MFAP3: variants seen among roughly 807,000 people sequenced by gnomAD.
MFAP3 encodes microfibril-associated glycoprotein 3.
MFAP3 carries 8 observed loss-of-function variants against 20.5 expected under a neutral mutation model. The ratio of observed to expected loss-of-function variants is 0.39; its 90% CI spans 0.23 to 0.70. MFAP3 has a LOEUF of 0.70. MFAP3 is among the 30% of genes least tolerant of loss of function. The probability of loss-of-function intolerance (pLI) is 0.44; values close to 1 mark genes in which losing one functional copy is unlikely to be tolerated. For missense variants in MFAP3, 398 were observed against 444.6 expected (o/e 0.90, Z 0.94); for synonymous variants, 140 against 154.0 (o/e 0.91, Z 0.67).
At chr5:154,050,662 A>G (rs992696333) in intron 2 of MFAP3, among the ~76,000 whole-genome samples, 4 of 122,184 alleles carry the variant, frequency 3.3e-5, no homozygotes, top group African/African-American at 1.2e-4. Context: ...ACTGGAAATG[A>G]GAAATTTTTT....
At chr5:154,042,069 A>G (rs1252290170) in intron 1 of MFAP3, among the ~76,000 whole-genome samples, 1 of 152,200 alleles carries the variant, frequency 6.6e-6, no homozygotes, top group African/African-American at 2.4e-5. Flanking sequence ...ATTGTCTTAC[A>G]ATTTTGATAC....
At chr5:154,048,921 A>T (rs1561589701) in intron 1 of MFAP3, among the ~76,000 whole-genome samples, 1 of 152,182 alleles carries the variant, frequency 6.6e-6, no homozygotes, top group Non-Finnish European at 1.5e-5. Context: ...GTTCTTGCCC[A>T]TGAAGGAGGT....
chr5:154,045,565 G>A (rs1374215674), intron 1 of MFAP3, among the ~76,000 whole-genome samples: 1 of 152,136 alleles, frequency 6.6e-6, no homozygotes, highest in Non-Finnish European at 1.5e-5. Context: ...ATATCTGAAA[G>A]AACCATGAAC....
chr5:154,051,038 CAT>C (rs988917575), intron 2 of MFAP3, among the ~76,000 whole-genome samples: 43 of 152,290 alleles, frequency 2.8e-4, no homozygotes, highest in African/African-American at 1.0e-3. Context: ...TTCCTTCAGA[CAT>C]ATGCACTATT....
rs1400231658 is a variant in MFAP3, at chr5:154,055,010, A to G, written c.*1297A>G. On this transcript the variant is annotated 3_prime_UTR_variant, in exon 3 of 3. Coordinates refer to ENST00000522782, the MANE Select transcript of MFAP3 (RefSeq NM_005927.5). Reference sequence around the variant, plus strand: ...GGATGATGCCACCTGCTTCAACTGTATATAATAAACACTTATGATGACATT... The same window carrying G: ...GGATGATGCCACCTGCTTCAACTGTGTATAATAAACACTTATGATGACATT... 1 of 166,838 alleles carries G rather than the reference A, an allele frequency of 6.0e-6. No individual in the cohort carries two copies. The highest frequency in any genetic ancestry group is 1.5e-5 in the Non-Finnish European group (1 of 68,112). 10.3% of individuals were successfully genotyped at this position (166,838 alleles called of 1,614,324 possible).
At chr5:154,047,351 A>T (rs1773089616) in intron 1 of MFAP3, among the ~76,000 whole-genome samples, 1 of 152,196 alleles carries the variant, frequency 6.6e-6, no homozygotes, top group Non-Finnish European at 1.5e-5. Context: ...TCTATGGGGC[A>T]GTAGGTAGGC....
Position 154,049,831 on chromosome 5 carries a change from C to A in MFAP3, c.109C>A (p.Arg37Ser). The A allele has an allele frequency of 1.2e-6, 2 of 1,613,664 alleles. No homozygotes were observed. Among genetic ancestry groups the A allele is most frequent in the Non-Finnish European group, 1.7e-6 (2 of 1,179,712 alleles). ...FDQMVSLEANRSSYNASFPSS... is the reference protein window; with the variant it reads ...FDQMVSLEANSSSYNASFPSS... ...CCAAATGGTTTCACTGGAAGCAAAT[C>A]GTAGTTCTTACAATGCATCCTTTCC... Residue 37 changes from arginine to serine, a missense_variant, in exon 2 of 3, where the codon CGT (arginine) becomes AGT (serine). By Grantham distance (110) the Arg-to-Ser change is moderately radical (BLOSUM62 -1). Coordinates refer to ENST00000522782, the MANE Select transcript of MFAP3 (RefSeq NM_005927.5).
rs139479394 is a variant in MFAP3, at chr5:154,049,926, C to T, written c.204C>T (p.Ser68=). 6.2e-6 allele frequency: 10 copies of T among 1,613,602 alleles called. No homozygotes were observed. Among genetic ancestry groups the T allele is most frequent in the Middle Eastern group, 1.6e-4 (1 of 6,062 alleles). The change falls in exon 2 of 3, where the codon AGC becomes AGT. Residue 68 remains serine, a synonymous_variant. Transcript: ENST00000522782. ...DDVIIAKEGT[S]VSIECLLTAS... ...TCATCATAGCCAAAGAGGGAACTAG[C>T]GTTTCAATTGAGTGTCTTCTCACAG...
At chr5:154,051,255 A>T (rs914992191) in intron 2 of MFAP3, among the ~76,000 whole-genome samples, 28 of 152,192 alleles carry the variant, frequency 1.8e-4, no homozygotes, top group Admixed American at 6.5e-4. Context: ...TCCTGACCAA[A>T]CACCTCTGAG....
At position 154,057,035 on chromosome 5, in the gene MFAP3, T is replaced by C. The variant is rs1012696652; in HGVS notation, c.*3322T>C. ...GCTGTTGGTATAGTCCTCTTCACCC[T>C]CTGCATGTAGCTTCACCCTAGATCA... On this transcript the variant is annotated 3_prime_UTR_variant, in exon 3 of 3. Coordinates refer to ENST00000522782, the MANE Select transcript of MFAP3 (RefSeq NM_005927.5). 6.6e-6 allele frequency among the ~76,000 whole-genome samples: 1 copy of C among 152,288 alleles called. No homozygotes were observed. Among genetic ancestry groups the C allele is most frequent in the South Asian group, 2.1e-4 (1 of 4,822 alleles).
At chr5:154,050,659 A>G (rs1773169338) in intron 2 of MFAP3, among the ~76,000 whole-genome samples, 1 of 131,412 alleles carries the variant, frequency 7.6e-6, no homozygotes, top group Non-Finnish European at 1.6e-5. Context: ...TTTACTGGAA[A>G]TGAGAAATTT....
chr5:154,048,796 T>C (rs938803543), intron 1 of MFAP3, among the ~76,000 whole-genome samples: 3 of 152,204 alleles, frequency 2.0e-5, no homozygotes, highest in Non-Finnish European at 4.4e-5. Context: ...GTTCCTCCCT[T>C]AGCTAGTTTA....
intron 1 of MFAP3, among the ~76,000 whole-genome samples, chr5:154,043,743 T>TA (rs1554086565): frequency 0.3 from 16,788 of 56,866 alleles, 967 homozygotes; most frequent in Middle Eastern, 0.31. Context: ...TATATATATA[T>TA]TTTTTTTTCC....
At chr5:154,051,229 T>C (rs1320442420) in intron 2 of MFAP3, among the ~76,000 whole-genome samples, 1 of 152,230 alleles carries the variant, frequency 6.6e-6, no homozygotes, top group Non-Finnish European at 1.5e-5. Context: ...TCCTATCTTC[T>C]CTGGGCTCTA....
At chr5:154,051,184 T>A (rs1773183984) in intron 2 of MFAP3, among the ~76,000 whole-genome samples, 1 of 152,200 alleles carries the variant, frequency 6.6e-6, no homozygotes, top group African/African-American at 2.4e-5. Context: ...TTGAACATGA[T>A]TTGGGGTTCC....
At chr5:154,048,284 T>C (rs949793558) in intron 1 of MFAP3, among the ~76,000 whole-genome samples, 1 of 152,176 alleles carries the variant, frequency 6.6e-6, no homozygotes, top group Non-Finnish European at 1.5e-5. Context: ...CTGAAGGTTT[T>C]TTATTTTACT....
intron 1 of MFAP3, among the ~76,000 whole-genome samples, chr5:154,044,938 A>T (rs201165848): frequency 0.12 from 2,070 of 17,370 alleles, 52 homozygotes; most frequent in East Asian, 0.5. Flanking sequence ...TTCTTTTTTT[A>T]AAAAAAAAAA....
At chr5:154,042,508 C>T (rs1199925092) in intron 1 of MFAP3, among the ~76,000 whole-genome samples, 1 of 152,130 alleles carries the variant, frequency 6.6e-6, no homozygotes, top group East Asian at 1.9e-4. Context: ...GAGTAAATGG[C>T]CCTCAGGATA....
In MFAP3 at chr5:154,055,814, G is replaced by A. The variant is rs1409028298; in HGVS notation, c.*2101G>A. Reference sequence around the variant, plus strand: ...GTAGAGATGGGGGTCTCACTTTGTTGCCCAGGCTGACCTTGTACTTGTGGC... The same window carrying A: ...GTAGAGATGGGGGTCTCACTTTGTTACCCAGGCTGACCTTGTACTTGTGGC... On this transcript the variant is annotated 3_prime_UTR_variant, in exon 3 of 3. Coordinates refer to ENST00000522782, the MANE Select transcript of MFAP3 (RefSeq NM_005927.5). 6.6e-6 allele frequency among the ~76,000 whole-genome samples: 1 copy of A among 151,900 alleles called. No individual in the cohort carries two copies.
Sources: allele counts gnomAD v4.1 joint callset (sites outside exome capture counted in the v4.1 genomes callset), GRCh38; gene constraint gnomAD v4.1.1; transcripts MANE v1.5; gene names NCBI Gene and HGNC (gene_info 2026-07-23, HGNC 2026-07-21).